MDFIC2: variants seen among roughly 807,000 people sequenced by gnomAD.
MDFIC2 encodes the protein MyoD family inhibitor domain containing 2, also known as myoD family inhibitor domain-containing protein 2.
intron 2 of MDFIC2, among the ~76,000 whole-genome samples, chr3:70,272,737 A>G (rs1416196706): frequency 6.6e-6 from 1 of 152,222 alleles, no homozygotes; most frequent in Non-Finnish European, 1.5e-5. Context: ...ATGTACAAAC[A>G]TTATTATCCT....
At chr3:70,219,048 G>A (rs959537869) in intron 2 of MDFIC2, among the ~76,000 whole-genome samples, 4 of 152,022 alleles carry the variant, frequency 2.6e-5, no homozygotes, top group African/African-American at 9.7e-5. Flanking sequence ...TTTTAGTAAA[G>A]GCAGGTTTAA....
At chr3:70,291,396 A>G (rs1702238379) in intron 2 of MDFIC2, among the ~76,000 whole-genome samples, 1 of 152,184 alleles carries the variant, frequency 6.6e-6, no homozygotes, top group Non-Finnish European at 1.5e-5. Context: ...ACGATATAAC[A>G]AATATATCGT....
chr3:70,224,540 T>A (rs1220169559), intron 2 of MDFIC2, among the ~76,000 whole-genome samples: 1 of 152,162 alleles, frequency 6.6e-6, no homozygotes, highest in Non-Finnish European at 1.5e-5. Flanking sequence ...AGAGGATACA[T>A]TTAACACAAC....
At chr3:70,294,651 C>G (rs975740726) in intron 2 of MDFIC2, among the ~76,000 whole-genome samples, 3 of 151,996 alleles carry the variant, frequency 2.0e-5, no homozygotes, top group Non-Finnish European at 4.4e-5. Flanking sequence ...CAAACAGGCT[C>G]AAAAAATAAA....
chr3:70,304,139 C>G (rs1181870999), intron 2 of MDFIC2, among the ~76,000 whole-genome samples: 1 of 152,184 alleles, frequency 6.6e-6, no homozygotes, highest in Non-Finnish European at 1.5e-5. Context: ...GCCAAGCTCT[C>G]TACACTCATG....
At chr3:70,198,885 G>A (rs550012197) in intron 3 of MDFIC2, among the ~76,000 whole-genome samples, 2 of 152,226 alleles carry the variant, frequency 1.3e-5, no homozygotes, top group African/African-American at 4.8e-5. Flanking sequence ...AAATGCAAGA[G>A]TAAGTTAGTA....
chr3:70,275,218 G>A (rs1702011977), intron 2 of MDFIC2, among the ~76,000 whole-genome samples: 1 of 152,154 alleles, frequency 6.6e-6, no homozygotes, highest in African/African-American at 2.4e-5. Flanking sequence ...TAGCATTCAT[G>A]ATGATTAAGA....
chr3:70,289,153 C>G (rs1339240711), intron 2 of MDFIC2, among the ~76,000 whole-genome samples: 3 of 150,990 alleles, frequency 2.0e-5, no homozygotes, highest in African/African-American at 7.3e-5. Flanking sequence ...TCTTCCTAGT[C>G]TCGATGGTCT....
intron 2 of MDFIC2, among the ~76,000 whole-genome samples, chr3:70,226,245 T>G (rs947279411): frequency 6.6e-6 from 1 of 152,106 alleles, no homozygotes; most frequent in Non-Finnish European, 1.5e-5. Context: ...AATACAAAGA[T>G]GAGTAAGACC....
chr3:70,295,506 T>A (rs1164923458), intron 2 of MDFIC2, among the ~76,000 whole-genome samples: 1 of 151,988 alleles, frequency 6.6e-6, no homozygotes, highest in Non-Finnish European at 1.5e-5. Flanking sequence ...AGTTCGAGAC[T>A]GGCCTGGGAA....
chr3:70,210,194 T>G (rs2106727569), intron 2 of MDFIC2, among the ~76,000 whole-genome samples: 1 of 152,270 alleles, frequency 6.6e-6, no homozygotes, highest in East Asian at 1.9e-4. Context: ...GTGACAATTT[T>G]AAGTATAGCA....
At chr3:70,263,562 T>C (rs181079491) in intron 2 of MDFIC2, among the ~76,000 whole-genome samples, 3 of 152,296 alleles carry the variant, frequency 2.0e-5, no homozygotes, top group Non-Finnish European at 1.5e-5. Context: ...AGATCTCTAG[T>C]AGTTGTTCTT....
At chr3:70,266,549 C>T (rs147081047) in intron 2 of MDFIC2, among the ~76,000 whole-genome samples, 15,109 of 152,046 alleles carry the variant, frequency 0.099, 890 homozygotes, top group South Asian at 0.2. Context: ...CTCAGCCTCC[C>T]GAGTAGCTGG....
At chr3:70,215,428 T>C (rs1272707098) in intron 2 of MDFIC2, among the ~76,000 whole-genome samples, 3 of 152,138 alleles carry the variant, frequency 2.0e-5, no homozygotes, top group Non-Finnish European at 4.4e-5. Flanking sequence ...TCCAGGTTAA[T>C]TGATCCTGCT....
At chr3:70,238,663 A>G (rs1011832507) in intron 2 of MDFIC2, among the ~76,000 whole-genome samples, 5 of 152,024 alleles carry the variant, frequency 3.3e-5, no homozygotes, top group African/African-American at 1.2e-4. Flanking sequence ...GGGGGCCAAG[A>G]AAAGAAAGTA....
chr3:70,199,489 G>C (rs1701214668), intron 3 of MDFIC2, among the ~76,000 whole-genome samples: 1 of 152,016 alleles, frequency 6.6e-6, no homozygotes, highest in Admixed American at 6.5e-5. Context: ...TTCTAAGTCA[G>C]TCCTTTTTAT....
intron 2 of MDFIC2, among the ~76,000 whole-genome samples, chr3:70,237,979 C>CTTTGTTTTTTTTTTTTTTT (rs1701627930): frequency 2.0e-5 from 1 of 48,932 alleles, no homozygotes; most frequent in Non-Finnish European, 3.2e-5. Flanking sequence ...TGAGTGGTAT[C>CTTTGTTTTTTTTTTTTTTT]TTTTTTTTTT....
chr3:70,247,195 T>C (rs1701715654), intron 2 of MDFIC2, among the ~76,000 whole-genome samples: 1 of 152,050 alleles, frequency 6.6e-6, no homozygotes, highest in Non-Finnish European at 1.5e-5. Context: ...CTTCCCTGTG[T>C]TTTCAGACAT....
intron 2 of MDFIC2, among the ~76,000 whole-genome samples, chr3:70,220,439 T>TA (rs201824803): frequency 1.9e-4 from 28 of 147,578 alleles, no homozygotes; most frequent in Middle Eastern, 3.2e-3. Context: ...CCTTACCTCT[T>TA]AAAAAAAAAA....
Sources: gnomAD v4.1 joint callset for allele counts (sites outside exome capture counted in the v4.1 genomes callset) on GRCh38, gnomAD v4.1.1 for gene constraint, MANE v1.5 for transcripts, NCBI Gene and HGNC (gene_info 2026-07-23, HGNC 2026-07-21) for gene names.